NEMP2: variants seen among roughly 807,000 people sequenced by gnomAD.
The protein encoded by NEMP2 is UPF0571 transmembrane protein.
Under a neutral mutation model 54.2 loss-of-function variants are expected in NEMP2, and 53 were observed. The observed-to-expected ratio is 0.98, with a 90% CI of 0.78 to 1.23. The LOEUF (loss-of-function observed/expected upper bound fraction) is 1.23, where lower values mean the gene tolerates loss of function less well. Among genes scored for constraint, NEMP2 ranks in the 50% most tolerant of loss-of-function variants. The pLI is 0.00. For synonymous variants in NEMP2, 197 were observed against 190.3 expected (o/e 1.04, Z -0.29); for missense variants, 455 against 511.3 (o/e 0.89, Z 1.06).
chr2:190,448,538 T>C, the NEMP2 span, among the ~76,000 whole-genome samples: 2 of 152,184 alleles, frequency 1.3e-5, no homozygotes. Flanking sequence ...CACTATGATG[T>C]TGACTGGGGA....
At position 190,517,622 on chromosome 2, in the gene NEMP2, A is replaced by G; in HGVS notation, c.519-9T>C. The G allele has an allele frequency of 6.5e-7, 1 of 1,541,850 alleles. No individual in the cohort carries two copies. The highest frequency in any genetic ancestry group is 8.8e-7 in the Non-Finnish European group (1 of 1,140,364). ...AATAGAAAGTAGGGCTTCTGTCAAGATAAGCAGATAAAAGCTATTTAAATG... is the reference window on the plus strand; with the variant it reads ...AATAGAAAGTAGGGCTTCTGTCAAGGTAAGCAGATAAAAGCTATTTAAATG... On this transcript the variant is annotated splice_polypyrimidine_tract_variant and intron_variant, in intron 4 of 8. Coordinates refer to ENST00000409150, the MANE Select transcript of NEMP2 (RefSeq NM_001142645.2).
the NEMP2 span, among the ~76,000 whole-genome samples, chr2:190,547,789 G>C: frequency 1.7e-4 from 26 of 152,246 alleles, 1 homozygote; most frequent in South Asian, 5.4e-3. This position sits in a 1 kb window ranked among gnomAD's most constrained non-coding sequence, Gnocchi z 6.2. Context: ...GCCCACCTTG[G>C]CCTCCCAAAG....
chr2:190,641,326 C>T, the NEMP2 span: 3 of 152,248 alleles, frequency 2.0e-5, no homozygotes, highest in African/African-American at 7.2e-5. Flanking sequence ...CTTCCTATTT[C>T]CTTGCTCCTT....
At chr2:190,481,727 T>C in the NEMP2 span, among the ~76,000 whole-genome samples, 3 of 152,268 alleles carry the variant, frequency 2.0e-5, no homozygotes, top group Non-Finnish European at 4.4e-5. Context: ...ATGAAGGGGA[T>C]TCTTGCAGTC....
At chr2:190,605,139 C>T in the NEMP2 span, among the ~76,000 whole-genome samples, 1 of 152,218 alleles carries the variant, frequency 6.6e-6, no homozygotes, top group Non-Finnish European at 1.5e-5. Context: ...CTGAAACCCC[C>T]ATGTTGACAT....
At chr2:190,503,289 C>T (rs1350760315), downstream of NEMP2, among the ~76,000 whole-genome samples, 1 of 152,216 alleles carries the variant, frequency 6.6e-6, no homozygotes. The surrounding 1 kb of genome is among the most constrained non-coding windows in gnomAD (Gnocchi z 6.3). Flanking sequence ...GGAAAGCAGA[C>T]ACACCCACAG....
the NEMP2 span, among the ~76,000 whole-genome samples, chr2:190,491,584 G>A: frequency 1.3e-5 from 2 of 152,182 alleles, no homozygotes; most frequent in Non-Finnish European, 2.9e-5. This position sits in a 1 kb window ranked among gnomAD's most constrained non-coding sequence, Gnocchi z 4.2. Flanking sequence ...CTGGCTGTCA[G>A]GAAGCCACAT....
chr2:190,592,554 T>C, the NEMP2 span, among the ~76,000 whole-genome samples: 4 of 152,328 alleles, frequency 2.6e-5, no homozygotes, highest in Non-Finnish European at 4.4e-5. This position sits in a 1 kb window ranked among gnomAD's most constrained non-coding sequence, Gnocchi z 4.4. Flanking sequence ...ACATATATTC[T>C]CTTTTTTTAT....
At chr2:190,454,092 T>C in the NEMP2 span, 1 of 152,248 alleles carries the variant, frequency 6.6e-6, no homozygotes, top group Non-Finnish European at 1.5e-5. The surrounding 1 kb of genome is among the most constrained non-coding windows in gnomAD (Gnocchi z 4.6). Flanking sequence ...TCGCAATTTA[T>C]AGTTTTAACA....
At chr2:190,645,866 C>G in the NEMP2 span, among the ~76,000 whole-genome samples, 67 of 152,322 alleles carry the variant, frequency 4.4e-4, 1 homozygote, top group South Asian at 0.012. Context: ...ACAATCAAAA[C>G]TATAAACAGA....
chr2:190,460,411 A>G, the NEMP2 span, among the ~76,000 whole-genome samples: 1 of 152,190 alleles, frequency 6.6e-6, no homozygotes, highest in African/African-American at 2.4e-5. Flanking sequence ...ACACTCGCGT[A>G]TGCACACATG....
chr2:190,637,321 C>T, the NEMP2 span, among the ~76,000 whole-genome samples: 11 of 152,172 alleles, frequency 7.2e-5, no homozygotes, highest in South Asian at 4.1e-4. The surrounding 1 kb of genome is among the most constrained non-coding windows in gnomAD (Gnocchi z 4.5). Context: ...TCTCTCTTCT[C>T]TTAGTTGTAT....
chr2:190,542,764 C>T, the NEMP2 span, among the ~76,000 whole-genome samples: 1 of 152,156 alleles, frequency 6.6e-6, no homozygotes, highest in Admixed American at 6.5e-5. The surrounding 1 kb of genome is among the most constrained non-coding windows in gnomAD (Gnocchi z 4.6). Flanking sequence ...TTAAATTTCT[C>T]TGATAAATTT....
chr2:190,432,846 T>A, the NEMP2 span, among the ~76,000 whole-genome samples: 180 of 124,528 alleles, frequency 1.4e-3, no homozygotes, highest in African/African-American at 9.0e-4. Flanking sequence ...ACACACTCTC[T>A]CTCTCTCTCT....
At chr2:190,594,335 C>G in the NEMP2 span, among the ~76,000 whole-genome samples, 1 of 152,118 alleles carries the variant, frequency 6.6e-6, no homozygotes, top group South Asian at 2.1e-4. This position sits in a 1 kb window ranked among gnomAD's most constrained non-coding sequence, Gnocchi z 5.6. Context: ...CCAAAAGTAT[C>G]TCCTTTAAAA....
chr2:190,529,362 C>T lies in NEMP2; in HGVS notation c.98-3984G>A, dbSNP rs1375427359. On this transcript the variant is annotated intron_variant, in intron 1 of 8. Transcript: ENST00000409150. The surrounding 1 kb of genome is among the most constrained non-coding windows in gnomAD (Gnocchi z 4.7). ...AGCCCACTGCTCCAGCCACAGCTGG[C>T]CTTCCTGTCCTCAAGATGCCAGCGA... Among the ~76,000 whole-genome samples, 1 of 152,140 alleles carries T rather than the reference C, an allele frequency of 6.6e-6. No individual in the cohort carries two copies. The highest frequency in any genetic ancestry group is 1.9e-4 in the East Asian group (1 of 5,194).
chr2:190,445,520 C>T, the NEMP2 span, among the ~76,000 whole-genome samples: 1 of 151,014 alleles, frequency 6.6e-6, no homozygotes, highest in African/African-American at 2.4e-5. Context: ...CTGACTCTGC[C>T]AGCCTTTCTC....
chr2:190,423,091 C>A, the NEMP2 span, among the ~76,000 whole-genome samples: 2 of 152,208 alleles, frequency 1.3e-5, no homozygotes, highest in Non-Finnish European at 2.9e-5. This position sits in a 1 kb window ranked among gnomAD's most constrained non-coding sequence, Gnocchi z 4.3. Context: ...ATTGTGGATT[C>A]ACATGTAGTT....
chr2:190,436,001 T>A, the NEMP2 span: 3 of 1,578,708 alleles, frequency 1.9e-6, no homozygotes, highest in Non-Finnish European at 2.6e-6. The surrounding 1 kb of genome is among the most constrained non-coding windows in gnomAD (Gnocchi z 5.3). Flanking sequence ...TTCTGAAGTT[T>A]GTAAACTTGC....
Sources: allele counts gnomAD v4.1 joint callset (sites outside exome capture counted in the v4.1 genomes callset), GRCh38; gene constraint gnomAD v4.1.1; non-coding constraint Gnocchi (gnomAD v3.1); transcripts MANE v1.5; gene names NCBI Gene and HGNC (gene_info 2026-07-23, HGNC 2026-07-21).